The following ENTPD7 variants were observed in gnomAD, a reference collection of about 807,000 sequenced individuals.
The protein encoded by ENTPD7 is ectonucleoside triphosphate diphosphohydrolase 7, also known as NTPDase 7.
Under a neutral mutation model 77.9 loss-of-function variants are expected in ENTPD7, and 53 were observed. The ratio of observed to expected loss-of-function variants is 0.68; its 90% confidence interval spans 0.55 to 0.85. ENTPD7 has a LOEUF of 0.85. Among genes scored for constraint, ENTPD7 ranks in the 40% least tolerant of loss-of-function variants. The probability of loss-of-function intolerance (pLI) is 0.00; values close to 1 mark genes in which losing one functional copy is unlikely to be tolerated. For missense variants in ENTPD7, 636 were observed against 743.7 expected (o/e 0.86, Z 1.68); for synonymous variants, 248 against 274.9 (o/e 0.90, Z 0.97).
At chr10:99,702,963 A>G (rs183120565) in intron 12 of ENTPD7, among the ~76,000 whole-genome samples, 2 of 152,308 alleles carry the variant, frequency 1.3e-5, no homozygotes, top group East Asian at 3.9e-4. Context: ...TTTAGGACTG[A>G]GCTCTTACTA....
Position 99,705,417 on chromosome 10 carries a change from G to A in ENTPD7, c.*734G>A, listed in dbSNP as rs1318653190. On this transcript the variant is annotated 3_prime_UTR_variant, in exon 13 of 13. Coordinates refer to ENST00000370489, the MANE Select transcript of ENTPD7 (RefSeq NM_020354.5). ...TTTTCCATTTTTATGTGCCTCACAG[G>A]CTGTTTGGGCATTAATTTTGCTTTT... The A allele has an allele frequency of 1.3e-5, 2 of 152,472 alleles. No individual in the cohort carries two copies. The highest frequency in any genetic ancestry group is 2.4e-5 in the African/African-American group (1 of 41,460). The allele number at this position is 152,472 out of a possible 1,614,324, so 9.4% of individuals were successfully genotyped here. A position where few individuals can be genotyped will look rare whatever the true frequency, so the allele number is the denominator to read the frequency against.
intron 5 of ENTPD7, 28 bp from the exon 6 acceptor site, chr10:99,685,764 C>G: frequency 6.4e-7 from 1 of 1,561,822 alleles, no homozygotes; most frequent in Non-Finnish European, 8.8e-7. Context: ...TAGTGACTAA[C>G]TTTGGGATTT....
chr10:99,697,895 A>G (rs1258676066), intron 9 of ENTPD7: 3 of 153,936 alleles, frequency 1.9e-5, no homozygotes. Context: ...AGGAATGAGA[A>G]TATGGTTGCT....
In ENTPD7 at chr10:99,705,468, G is replaced by A. The variant is rs1223441673; in HGVS notation, c.*785G>A. The A allele has an allele frequency of 6.6e-6, 1 of 152,216 alleles. No individual in the cohort carries two copies. Among genetic ancestry groups the A allele is most frequent in the Non-Finnish European group, 1.5e-5 (1 of 68,042 alleles). The allele number at this position is 152,216 out of a possible 1,614,324, so 9.4% of individuals were successfully genotyped here. A position where few individuals can be genotyped will look rare whatever the true frequency, so the allele number is the denominator to read the frequency against. On this transcript the variant is annotated 3_prime_UTR_variant, in exon 13 of 13. Transcript: ENST00000370489. ...TGAGCCTTAAGTGTGTTAGTAGGAT[G>A]GAGAAACTGTGATGGGGACTGGGAA...
chr10:99,669,824 A>T (rs1200704133), intron 3 of ENTPD7, among the ~76,000 whole-genome samples: 2 of 128,178 alleles, frequency 1.6e-5, no homozygotes, highest in African/African-American at 6.0e-5. Flanking sequence ...ATCTCGGCTC[A>T]CTGCAAGCTC....
At chr10:99,692,787 T>G (rs2035904552) in intron 8 of ENTPD7, among the ~76,000 whole-genome samples, 1 of 152,018 alleles carries the variant, frequency 6.6e-6, no homozygotes, top group South Asian at 2.1e-4. Context: ...CCACCAAAAG[T>G]TTTTGAGTAA....
At chr10:99,702,963 A>C (rs183120565) in intron 12 of ENTPD7, among the ~76,000 whole-genome samples, 1 of 152,190 alleles carries the variant, frequency 6.6e-6, no homozygotes, top group East Asian at 1.9e-4. Context: ...TTTAGGACTG[A>C]GCTCTTACTA....
chr10:99,700,187 C>T (rs577179954), intron 10 of ENTPD7, among the ~76,000 whole-genome samples: 28 of 152,216 alleles, frequency 1.8e-4, no homozygotes, highest in Admixed American at 1.7e-3. Flanking sequence ...CCTTGAACAC[C>T]AAAAGGCTCA....
At chr10:99,680,857 G>A (rs1015535339) in intron 5 of ENTPD7, among the ~76,000 whole-genome samples, 3 of 152,146 alleles carry the variant, frequency 2.0e-5, no homozygotes, top group Non-Finnish European at 2.9e-5. Flanking sequence ...GATTTCAAGC[G>A]TCAGCTACCA....
rs2036269493 is a variant in ENTPD7 at position 99,707,116 on chromosome 10, A to G, written c.*2433A>G. On this transcript the variant is annotated 3_prime_UTR_variant, in exon 13 of 13. Transcript: ENST00000370489. ...TATAGTTGAGAATCTCAGGATACCT[A>G]CATTTATCACTTTTTCAATATATAT... Among the ~76,000 whole-genome samples the G allele has an allele frequency of 6.6e-6, 1 of 152,198 alleles. No individual in the cohort carries two copies. The highest frequency in any genetic ancestry group is 2.4e-5 in the African/African-American group (1 of 41,450).
At chr10:99,691,321 T>TG in intron 7 of ENTPD7, 64 bp from the exon 8 acceptor site, 1 of 1,544,086 alleles carries the variant, frequency 6.5e-7, no homozygotes, top group Non-Finnish European at 8.8e-7. Context: ...ATTGCTGTTT[T>TG]GGGGGTTTGA....
At chr10:99,660,526 GCACACACACACACACACACA>G (rs68112730) in intron 2 of ENTPD7, 2 of 283,210 alleles carry the variant, frequency 7.1e-6, no homozygotes, top group African/African-American at 2.3e-5. Context: ...GAATGGATAC[GCACACACACACACACACACA>G]CACACACACA....
At chr10:99,663,466 T>G (rs893369653) in intron 3 of ENTPD7, among the ~76,000 whole-genome samples, 5 of 89,884 alleles carry the variant, frequency 5.6e-5, no homozygotes, top group Non-Finnish European at 1.2e-4. Flanking sequence ...ATTTTATTTG[T>G]TTTTTTTTTT....
At chr10:99,692,442 G>A (rs1420496713) in intron 8 of ENTPD7, among the ~76,000 whole-genome samples, 1 of 152,128 alleles carries the variant, frequency 6.6e-6, no homozygotes, top group African/African-American at 2.4e-5. Context: ...ATGGGGACTG[G>A]CAGCCAACTT....
In ENTPD7 at chr10:99,659,824, G is replaced by A; in HGVS notation, c.-95-38G>A. On this transcript the variant is annotated intron_variant, in intron 1 of 12. Coordinates refer to ENST00000370489, the MANE Select transcript of ENTPD7 (RefSeq NM_020354.5). This position sits in a 1 kb window ranked among gnomAD's most constrained non-coding sequence, Gnocchi z 4.1. ...ATTCCCGTGCAGGTTTGTCTCGTGG[G>A]CTCAGTCGGACAGAAGCCTGAAATC... 1.6e-6 allele frequency: 2 copies of A among 1,285,628 alleles called. No individual in the cohort carries two copies. The highest frequency in any genetic ancestry group is 2.2e-6 in the Non-Finnish European group (2 of 914,426). The allele number at this position is 1,285,628 out of a possible 1,614,324, so 79.6% of individuals were successfully genotyped here.
chr10:99,710,909 AC>A lies in ENTPD7; in HGVS notation c.*6227del, dbSNP rs2133551250. ...TTTTAATTTCCTTCATGTTTTAAAA[AC>A]AATGGACGTAAGTGCAGAGAGACCT... On this transcript the variant is annotated 3_prime_UTR_variant, in exon 13 of 13. Transcript: ENST00000370489. The A allele has an allele frequency of 1.0e-6, 1 of 985,394 alleles. No homozygotes were observed. Among genetic ancestry groups the A allele is most frequent in the East Asian group, 1.1e-4 (1 of 8,820 alleles). The allele number at this position is 985,394 out of a possible 1,614,324, so 61.0% of individuals were successfully genotyped here.
At chr10:99,672,600 C>T (rs1034388490) in intron 3 of ENTPD7, among the ~76,000 whole-genome samples, 12 of 152,194 alleles carry the variant, frequency 7.9e-5, no homozygotes, top group Middle Eastern at 3.2e-3. Flanking sequence ...CCACCACACC[C>T]AGCCCATTTA....
At position 99,709,646 on chromosome 10, in the gene ENTPD7, GA is replaced by G; in HGVS notation, c.*4966del. The G allele has an allele frequency of 1.0e-6, 1 of 985,366 alleles. No individual in the cohort carries two copies. 61.0% of individuals were successfully genotyped at this position (985,366 alleles called of 1,614,324 possible). A position where few individuals can be genotyped will look rare whatever the true frequency, so the allele number is the denominator to read the frequency against. On this transcript the variant is annotated 3_prime_UTR_variant, in exon 13 of 13. Transcript: ENST00000370489. ...TCTCTCATAACCTGGATCTAAGTTG[GA>G]AAGCTGTGGCACCCTGTTTGGGTGT...
Position 99,711,206 on chromosome 10 carries a change from TAAAAG to T in ENTPD7, c.*6528_*6532del. On this transcript the variant is annotated 3_prime_UTR_variant, in exon 13 of 13. Coordinates refer to ENST00000370489, the MANE Select transcript of ENTPD7 (RefSeq NM_020354.5). ...TTCCAAATGTACTCATCATCTGTAA[TAAAAG>T]AAAAATGAAGTAAAACATCTGAAAC... 1 of 985,338 alleles carries T rather than the reference TAAAAG, an allele frequency of 1.0e-6. No individual in the cohort carries two copies. Among genetic ancestry groups the T allele is most frequent in the Non-Finnish European group, 1.2e-6 (1 of 829,872 alleles). The allele number at this position is 985,338 out of a possible 1,614,324, so 61.0% of individuals were successfully genotyped here. A position where few individuals can be genotyped will look rare whatever the true frequency, so the allele number is the denominator to read the frequency against.
Sources: gnomAD v4.1 joint callset for allele counts (sites outside exome capture counted in the v4.1 genomes callset) on GRCh38, gnomAD v4.1.1 for gene constraint, Gnocchi (gnomAD v3.1) non-coding constraint, MANE v1.5 for transcripts, NCBI Gene and HGNC (gene_info 2026-07-23, HGNC 2026-07-21) for gene names.